The following GNA11 variants were observed in gnomAD, a reference collection of about 807,000 sequenced individuals.
The protein encoded by GNA11 is G protein subunit alpha 11.
In GNA11, 8 loss-of-function variants were observed where a neutral mutation model predicts 38.2. That is an observed-to-expected ratio of 0.21 (90% CI 0.12 to 0.38). The LOEUF (loss-of-function observed/expected upper bound fraction) is 0.38. Ranked by LOEUF, GNA11 falls within the 10% of genes least tolerant of loss-of-function variation. GNA11 has a pLI of 1.00. For missense variants in GNA11, 268 were observed against 516.3 expected, an observed-to-expected ratio of 0.52 and a Z score of 4.66; for synonymous variants, 211 against 221.4, an observed-to-expected ratio of 0.95 and a Z score of 0.42.
At chr19:3,114,589 C>CA (rs1913858885) in intron 3 of GNA11, among the ~76,000 whole-genome samples, 1 of 152,192 alleles carries the variant, frequency 6.6e-6, no homozygotes, top group South Asian at 2.1e-4. Context: ...AGGCCTCTCT[C>CA]GGGAAGTCCC....
intron 1 of GNA11, among the ~76,000 whole-genome samples, chr19:3,098,293 C>T (rs981173804): frequency 6.6e-6 from 1 of 152,236 alleles, no homozygotes. Flanking sequence ...CGCCTCCGTC[C>T]GCGCCGCCGC....
In GNA11 at chr19:3,120,217, C is replaced by T. The variant is rs903248306; in HGVS notation, c.890-772C>T. 1.3e-5 allele frequency among the ~76,000 whole-genome samples: 2 copies of T among 152,050 alleles called. No individual in the cohort carries two copies. Among genetic ancestry groups the T allele is most frequent in the South Asian group, 2.1e-4 (1 of 4,836 alleles). ...AGGGGTCTGGCACACGGTATAGCCT[C>T]GGCCGCTGGCTGCAGGCGCAGGGCC... On this transcript the variant is annotated intron_variant, in intron 6 of 6. Coordinates refer to ENST00000078429, the MANE Select transcript of GNA11 (RefSeq NM_002067.5). The surrounding 1 kb of genome is among the most constrained non-coding windows in gnomAD (Gnocchi z 5.9).
In GNA11 at chr19:3,113,401, C is replaced by T. The variant is rs2145318675; in HGVS notation, c.393C>T (p.Ala131=). 6.2e-7 allele frequency: 1 copy of T among 1,613,264 alleles called. No homozygotes were observed. The highest frequency in any genetic ancestry group is 8.5e-7 in the Non-Finnish European group (1 of 1,179,620). The change falls in exon 3 of 7, where the codon GCC becomes GCT. Residue 131 remains alanine (A), a synonymous_variant. Transcript: ENST00000078429. ...CCTTCGAGCATCAGTACGTCAGTGC[C>T]ATCAAGACCCTGTGGGAGGACCCGG... ...VTTFEHQYVS[A]IKTLWEDPGI...
rs2145329555 is a variant in GNA11, at chr19:3,121,225, T to C, written c.*46T>C. 3 of 1,475,618 alleles carry C rather than the reference T, an allele frequency of 2.0e-6. No individual in the cohort carries two copies. The highest frequency in any genetic ancestry group is 2.8e-6 in the Non-Finnish European group (3 of 1,071,830). The allele number at this position is 1,475,618 out of a possible 1,614,324, so 91.4% of individuals were successfully genotyped here. A position where few individuals can be genotyped will look rare whatever the true frequency, so the allele number is the denominator to read the frequency against. ...GGGATGGAGACACGGGGCAGGACCT[T>C]CCTTCCACGGAGCCTGCGGCTGCCG... is the stretch of plus-strand genomic sequence containing the variant. On this transcript the variant is annotated 3_prime_UTR_variant, in exon 7 of 7. Transcript: ENST00000078429.
intron 1 of GNA11, among the ~76,000 whole-genome samples, chr19:3,103,519 CTTTTTTTTTTTTT>C (rs760497682): frequency 1.6e-3 from 74 of 45,816 alleles, no homozygotes; most frequent in African/African-American, 4.6e-3. Context: ...GGCCTTGAAT[CTTTTTTTTTTTTT>C]TTTTTTTTTT....
In GNA11 at chr19:3,119,891, G is replaced by A. The variant is rs1054346475; in HGVS notation, c.889+532G>A. Among the ~76,000 whole-genome samples the A allele has an allele frequency of 6.6e-6, 1 of 152,090 alleles. No homozygotes were observed. Among genetic ancestry groups the A allele is most frequent in the Admixed American group, 6.5e-5 (1 of 15,276 alleles). ...CACCCTCGGACCCGTCCCTCCCTAC[G>A]TGGCCCCTGCCCCACGGGGTGTGTC... On this transcript the variant is annotated intron_variant, in intron 6 of 6. Coordinates refer to ENST00000078429, the MANE Select transcript of GNA11 (RefSeq NM_002067.5). This position sits in a 1 kb window ranked among gnomAD's most constrained non-coding sequence, Gnocchi z 4.6.
intron 1 of GNA11, among the ~76,000 whole-genome samples, chr19:3,096,707 A>T (rs1464775629): frequency 6.6e-6 from 1 of 150,532 alleles, no homozygotes; most frequent in Non-Finnish European, 1.5e-5. Context: ...CTGCAGTCCC[A>T]CCCCCTCCCA....
Position 3,123,728 on chromosome 19 carries a change from C to T in GNA11, c.*2549C>T, listed in dbSNP as rs1054692869. ...GCCTGGCGGACGGGACCCAGTGATA[C>T]TTGTATATTACACAGTCCTGATTTC... On this transcript the variant is annotated 3_prime_UTR_variant, in exon 7 of 7. Transcript: ENST00000078429. 6 of 232,788 alleles carry T rather than the reference C, an allele frequency of 2.6e-5. No homozygotes were observed. The highest frequency in any genetic ancestry group is 1.3e-4 in the African/African-American group (6 of 45,296). 14.4% of individuals were successfully genotyped at this position (232,788 alleles called of 1,614,324 possible). A position where few individuals can be genotyped will look rare whatever the true frequency, so the allele number is the denominator to read the frequency against.
At chr19:3,099,523 T>A (rs920645092) in intron 1 of GNA11, among the ~76,000 whole-genome samples, 1 of 152,190 alleles carries the variant, frequency 6.6e-6, no homozygotes, top group African/African-American at 2.4e-5. Context: ...CGCCAGGCCC[T>A]GTGTGGAGCA....
In GNA11 at chr19:3,110,014, GGA is replaced by G; in HGVS notation, c.137-130_137-129del. On this transcript the variant is annotated intron_variant, in intron 1 of 6. Coordinates refer to ENST00000078429, the MANE Select transcript of GNA11 (RefSeq NM_002067.5). The surrounding 1 kb of genome is among the most constrained non-coding windows in gnomAD (Gnocchi z 5.4). Reference sequence around the variant, plus strand: ...GAGTCAGGAGGCCGTGGCGTCTGGTGGAGAGACGGTCAGCCTCACGTGCCTTG... The same window carrying G: ...GAGTCAGGAGGCCGTGGCGTCTGGTGGAGACGGTCAGCCTCACGTGCCTTG... 4.6e-6 allele frequency: 3 copies of G among 650,444 alleles called. No individual in the cohort carries two copies. The highest frequency in any genetic ancestry group is 7.9e-6 in the Non-Finnish European group (3 of 377,694). 40.3% of individuals were successfully genotyped at this position (650,444 alleles called of 1,614,324 possible). A position where few individuals can be genotyped will look rare whatever the true frequency, so the allele number is the denominator to read the frequency against.
At chr19:3,098,055 G>A (rs1259473990) in intron 1 of GNA11, among the ~76,000 whole-genome samples, 2 of 152,354 alleles carry the variant, frequency 1.3e-5, no homozygotes, top group Non-Finnish European at 1.5e-5. Flanking sequence ...AAATTATTTT[G>A]TCAGAAGTTT....
chr19:3,095,801 G>T (rs1046002022), intron 1 of GNA11, among the ~76,000 whole-genome samples: 4 of 151,916 alleles, frequency 2.6e-5, no homozygotes, highest in African/African-American at 9.7e-5. Context: ...CTGAGTCCTC[G>T]TTGAGAGCAG....
At position 3,108,838 on chromosome 19, in the gene GNA11, G is replaced by C. The variant is rs1187311956; in HGVS notation, c.137-1311G>C. Among the ~76,000 whole-genome samples the C allele has an allele frequency of 6.6e-6, 1 of 152,126 alleles. No individual in the cohort carries two copies. Among genetic ancestry groups the C allele is most frequent in the Non-Finnish European group, 1.5e-5 (1 of 68,032 alleles). On this transcript the variant is annotated intron_variant, in intron 1 of 6. Coordinates refer to ENST00000078429, the MANE Select transcript of GNA11 (RefSeq NM_002067.5). The surrounding 1 kb of genome is among the most constrained non-coding windows in gnomAD (Gnocchi z 4.5). Reference sequence around the variant, plus strand: ...GCCACATCATTTGAAGGCTGGACTGGAGCTGGAGGAGCCACTCACAAGTTG... The same window carrying C: ...GCCACATCATTTGAAGGCTGGACTGCAGCTGGAGGAGCCACTCACAAGTTG...
rs986794944 is a variant in GNA11, at chr19:3,123,128, G to A, written c.*1949G>A. On this transcript the variant is annotated 3_prime_UTR_variant, in exon 7 of 7. Coordinates refer to ENST00000078429, the MANE Select transcript of GNA11 (RefSeq NM_002067.5). ...GGCCGCTACAACCTTTTCCAGCAGC[G>A]GAGCCCTCTGGGGGGCCTGTGCTTG... 3.0e-5 allele frequency: 7 copies of A among 233,076 alleles called. No homozygotes were observed. The highest frequency in any genetic ancestry group is 6.0e-5 in the East Asian group (1 of 16,584). 14.4% of individuals were successfully genotyped at this position (233,076 alleles called of 1,614,324 possible).
rs143237736 is a variant in GNA11 at position 3,104,169 on chromosome 19, G to A, written c.137-5980G>A. Among the ~76,000 whole-genome samples, 55 of 152,378 alleles carry A rather than the reference G, an allele frequency of 3.6e-4. No individual in the cohort carries two copies. The East Asian group carries it at 6.7e-3, about 19-fold the overall frequency. ...CCCCAGCTCCTGCTGTCAGGGCTGC[G>A]CCCTCTTGTGGCGCTTGGAGCCTCC... On this transcript the variant is annotated intron_variant, in intron 1 of 6. Coordinates refer to ENST00000078429, the MANE Select transcript of GNA11 (RefSeq NM_002067.5).
Position 3,095,429 on chromosome 19 carries a change from C to G in GNA11, c.136+642C>G, listed in dbSNP as rs113367320. Among the ~76,000 whole-genome samples the G allele has an allele frequency of 3.1e-3, 477 of 152,092 alleles. 1 individual carries two copies. Among genetic ancestry groups the G allele is most frequent in the African/African-American group, 0.011 (453 of 41,468 alleles). On this transcript the variant is annotated intron_variant, in intron 1 of 6. Coordinates refer to ENST00000078429, the MANE Select transcript of GNA11 (RefSeq NM_002067.5). ...GCTGTAACCCACAGGGCACACTCAC[C>G]CCTCACTGCTCAGGGCCCCGCGTTG... is the stretch of plus-strand genomic sequence containing the variant.
At chr19:3,107,851 C>T (rs1266889548) in intron 1 of GNA11, among the ~76,000 whole-genome samples, 2 of 152,104 alleles carry the variant, frequency 1.3e-5, no homozygotes, top group African/African-American at 4.8e-5. Context: ...TCCATGCCAC[C>T]GCCCTTCTCT....
intron 2 of GNA11, among the ~76,000 whole-genome samples, chr19:3,111,112 C>CTT (rs377737452): frequency 2.0e-5 from 3 of 148,658 alleles, no homozygotes; most frequent in African/African-American, 4.9e-5. Flanking sequence ...GGTTTTTTTT[C>CTT]TTTTTTTTTT....
In GNA11 at chr19:3,121,512, G is replaced by C. The variant is rs1195095730; in HGVS notation, c.*333G>C. Reference sequence around the variant, plus strand: ...GCAACGAAACATAAAACACACAAGCGCCCCGTGCCCCCAGTGACTCTGGGC... The same window carrying C: ...GCAACGAAACATAAAACACACAAGCCCCCCGTGCCCCCAGTGACTCTGGGC... On this transcript the variant is annotated 3_prime_UTR_variant, in exon 7 of 7. Coordinates refer to ENST00000078429, the MANE Select transcript of GNA11 (RefSeq NM_002067.5). The C allele has an allele frequency of 1.0e-4, 24 of 238,264 alleles. No homozygotes were observed. Among genetic ancestry groups the C allele is most frequent in the Non-Finnish European group, 1.7e-4 (21 of 122,664 alleles). 14.8% of individuals were successfully genotyped at this position (238,264 alleles called of 1,614,324 possible).
Sources: gnomAD v4.1 joint callset for allele counts (sites outside exome capture counted in the v4.1 genomes callset) on GRCh38, gnomAD v4.1.1 for gene constraint, Gnocchi (gnomAD v3.1) non-coding constraint, MANE v1.5 for transcripts, NCBI Gene and HGNC (gene_info 2026-07-23, HGNC 2026-07-21) for gene names.